The following WWOX variants were observed in gnomAD, a reference collection of about 807,000 sequenced individuals.
WWOX encodes the protein WW domain containing oxidoreductase.
A neutral mutation model predicts 46.2 loss-of-function variants in WWOX; 69 were observed. That is an observed-to-expected ratio of 1.49 (90% CI 1.23 to 1.82). The LOEUF (loss-of-function observed/expected upper bound fraction) is 1.82. Among genes scored for constraint, WWOX ranks in the 40% most tolerant of loss-of-function variants. WWOX has a pLI of 0.00. For missense variants in WWOX, 919 were observed against 542.6 expected, an observed-to-expected ratio of 1.69 and a Z score of -6.89; for synonymous variants, 359 against 202.6, an observed-to-expected ratio of 1.77 and a Z score of -6.56.
intron 8 of WWOX, among the ~76,000 whole-genome samples, chr16:78,714,865 A>G (rs963838129): frequency 6.6e-6 from 1 of 152,208 alleles, no homozygotes; most frequent in African/African-American, 2.4e-5. Context: ...TTTAAGCCAG[A>G]GAGAGATTGA....
At chr16:78,914,008 T>C (rs956511252) in intron 8 of WWOX, among the ~76,000 whole-genome samples, 3 of 152,010 alleles carry the variant, frequency 2.0e-5, no homozygotes, top group Admixed American at 6.6e-5. Context: ...TTCACTGATA[T>C]TATTGGTCCA....
chr16:79,068,710 C>G (rs774108470), intron 8 of WWOX, among the ~76,000 whole-genome samples: 1 of 151,746 alleles, frequency 6.6e-6, no homozygotes, highest in Non-Finnish European at 1.5e-5. Flanking sequence ...ACTCAGGAGG[C>G]TGAGGTGGGA....
At chr16:78,272,282 C>T (rs577340791) in intron 5 of WWOX, among the ~76,000 whole-genome samples, 7 of 152,210 alleles carry the variant, frequency 4.6e-5, no homozygotes, top group African/African-American at 1.2e-4. Context: ...GGCACTTTCA[C>T]GAGGATGACT....
chr16:78,815,406 C>G (rs1466691336), intron 8 of WWOX, among the ~76,000 whole-genome samples: 2 of 152,050 alleles, frequency 1.3e-5, no homozygotes, highest in Non-Finnish European at 2.9e-5. Flanking sequence ...AACTGGAGTA[C>G]ATTGCATGAA....
intron 6 of WWOX, among the ~76,000 whole-genome samples, chr16:78,402,711 C>T (rs7184628): frequency 0.26 from 39,573 of 152,092 alleles, 10,086 homozygotes; most frequent in African/African-American, 0.66. Context: ...GACTCATTTT[C>T]GGTTTAAGAA....
chr16:78,572,178 G>A (rs183303543), intron 8 of WWOX, among the ~76,000 whole-genome samples: 14 of 152,276 alleles, frequency 9.2e-5, no homozygotes, highest in East Asian at 5.8e-4. Context: ...TCCAAAAGCC[G>A]TCTACAATGA....
At chr16:78,878,901 G>GAAAAA (rs111647544) in intron 8 of WWOX, among the ~76,000 whole-genome samples, 29 of 86,922 alleles carry the variant, frequency 3.3e-4, no homozygotes, top group South Asian at 4.1e-4. Context: ...ACAAAAAAAT[G>GAAAAA]AAAAAAAAAA....
chr16:78,877,966 T>G (rs1213983086), intron 8 of WWOX, among the ~76,000 whole-genome samples: 2 of 152,194 alleles, frequency 1.3e-5, no homozygotes, highest in Admixed American at 6.5e-5. Context: ...AATCCCCTCT[T>G]GTGCCTTTTA....
chr16:78,657,371 C>T (rs575794259), intron 8 of WWOX, among the ~76,000 whole-genome samples: 1 of 152,136 alleles, frequency 6.6e-6, no homozygotes, highest in African/African-American at 2.4e-5. Flanking sequence ...AGTTCTCCCC[C>T]ATCCTGTAAA....
At chr16:78,750,864 C>T (rs1055906475) in intron 8 of WWOX, among the ~76,000 whole-genome samples, 6 of 152,154 alleles carry the variant, frequency 3.9e-5, no homozygotes, top group African/African-American at 1.2e-4. Context: ...GTGGTGTATA[C>T]GTACCACATT....
At chr16:78,879,050 AAGGAAGGGAGGAAAGG>A (rs1332512148) in intron 8 of WWOX, among the ~76,000 whole-genome samples, 8 of 152,122 alleles carry the variant, frequency 5.3e-5, no homozygotes, top group South Asian at 2.1e-4. Context: ...CTGGATCTGG[AAGGAAGGGAGGAAAGG>A]AGGAAGGGAG....
chr16:78,330,248 A>C (rs1303295433), intron 5 of WWOX, among the ~76,000 whole-genome samples: 1 of 152,210 alleles, frequency 6.6e-6, no homozygotes, highest in Non-Finnish European at 1.5e-5. Context: ...CCTTAATGCC[A>C]CTGAATTGTT....
intron 6 of WWOX, among the ~76,000 whole-genome samples, chr16:78,392,405 C>A (rs112033704): frequency 0.05 from 7,600 of 152,138 alleles, 638 homozygotes; most frequent in African/African-American, 0.17. Context: ...AGGGCTCCCA[C>A]CGATTGTACA....
chr16:78,146,102 G>C (rs2151714110), intron 4 of WWOX, among the ~76,000 whole-genome samples: 1 of 152,246 alleles, frequency 6.6e-6, no homozygotes, highest in Non-Finnish European at 1.5e-5. Context: ...GGGCAGCTTT[G>C]AGCCAGATAA....
At chr16:78,655,910 G>A (rs1048562982) in intron 8 of WWOX, among the ~76,000 whole-genome samples, 14 of 152,070 alleles carry the variant, frequency 9.2e-5, no homozygotes, top group African/African-American at 3.1e-4. Flanking sequence ...CTCTGTATTC[G>A]AGCGTGGTTA....
intron 8 of WWOX, among the ~76,000 whole-genome samples, chr16:79,057,217 CT>C (rs1555520061): frequency 6.6e-6 from 1 of 152,142 alleles, no homozygotes; most frequent in Non-Finnish European, 1.5e-5. Context: ...CAAGAATTGC[CT>C]GGACCTCTTT....
At chr16:78,993,936 G>T (rs1014461380) in intron 8 of WWOX, among the ~76,000 whole-genome samples, 1 of 152,140 alleles carries the variant, frequency 6.6e-6, no homozygotes, top group African/African-American at 2.4e-5. Flanking sequence ...CTTCCCCCGT[G>T]GGAACAGTGT....
At chr16:78,540,998 A>C (rs997800247) in intron 8 of WWOX, among the ~76,000 whole-genome samples, 1 of 152,068 alleles carries the variant, frequency 6.6e-6, no homozygotes, top group Non-Finnish European at 1.5e-5. Flanking sequence ...CCCACTATTA[A>C]TAAGGTCATT....
At chr16:78,487,657 C>T (rs548910686) in intron 8 of WWOX, among the ~76,000 whole-genome samples, 1 of 152,110 alleles carries the variant, frequency 6.6e-6, no homozygotes. Context: ...CATCCCTGAC[C>T]TCTAGCCATT....
Sources: allele counts gnomAD v4.1 joint callset (sites outside exome capture counted in the v4.1 genomes callset), GRCh38; gene constraint gnomAD v4.1.1; transcripts MANE v1.5; gene names NCBI Gene and HGNC (gene_info 2026-07-23, HGNC 2026-07-21).